Variants in SLC2A12 observed in about 807,000 individuals in gnomAD.
SLC2A12 encodes the protein solute carrier family 2, facilitated glucose transporter member 12.
SLC2A12 carries 23 observed loss-of-function variants against 41.8 expected under a neutral mutation model. That is an observed-to-expected ratio of 0.55 (90% CI 0.40 to 0.78). The LOEUF is 0.78. Among genes scored for constraint, SLC2A12 ranks in the 30% least tolerant of loss-of-function variants. SLC2A12 has a pLI of 0.00. For synonymous variants in SLC2A12, 295 were observed against 285.9 expected (o/e 1.03, Z -0.32); for missense variants, 654 against 745.6 (o/e 0.88, Z 1.43).
intron 2 of SLC2A12, among the ~76,000 whole-genome samples, chr6:134,027,969 T>C (rs1772492224): frequency 6.6e-6 from 1 of 152,222 alleles, no homozygotes; most frequent in Non-Finnish European, 1.5e-5. Flanking sequence ...ATGCATCCAC[T>C]ATTGTGTCTT....
intron 4 of SLC2A12, among the ~76,000 whole-genome samples, chr6:133,992,972 A>G (rs1253673802): frequency 6.6e-6 from 1 of 152,190 alleles, no homozygotes; most frequent in Non-Finnish European, 1.5e-5. Context: ...CTCCAACCAC[A>G]TCAGTCAGCT....
At chr6:134,028,276 C>T in intron 2 of SLC2A12, 105 bp downstream of exon 2, 1 of 1,406,844 alleles carries the variant, frequency 7.1e-7, no homozygotes, top group South Asian at 1.5e-5. Context: ...ATCAGATGAC[C>T]AATGTTATCC....
chr6:134,036,188 G>A (rs959543670), intron 1 of SLC2A12, among the ~76,000 whole-genome samples: 1 of 152,022 alleles, frequency 6.6e-6, no homozygotes, highest in African/African-American at 2.4e-5. Flanking sequence ...TTTTTTGGCA[G>A]GCAGCCAGGT....
intron 4 of SLC2A12, among the ~76,000 whole-genome samples, chr6:134,001,782 T>C (rs1219356316): frequency 6.6e-6 from 1 of 151,394 alleles, no homozygotes. Context: ...GCTTCATTCA[T>C]TGGGAAGAAA....
intron 2 of SLC2A12, among the ~76,000 whole-genome samples, chr6:134,013,466 G>A (rs2114444652): frequency 6.6e-6 from 1 of 152,058 alleles, no homozygotes; most frequent in East Asian, 1.9e-4. Context: ...TTGTTAAACA[G>A]GAAAAATGAA....
At chr6:134,001,049 C>G (rs1405087519) in intron 4 of SLC2A12, among the ~76,000 whole-genome samples, 1 of 151,916 alleles carries the variant, frequency 6.6e-6, no homozygotes, top group East Asian at 1.9e-4. Context: ...CACCCCAAAC[C>G]CCAAACAAAG....
intron 4 of SLC2A12, among the ~76,000 whole-genome samples, chr6:134,000,677 C>G (rs1332053611): frequency 6.6e-6 from 1 of 152,094 alleles, no homozygotes; most frequent in Non-Finnish European, 1.5e-5. Context: ...ACCTCTTCCC[C>G]CAGGACATGG....
rs752316562 is a variant in SLC2A12, at chr6:134,010,655, A to T, written c.1445-3721T>A. On this transcript the variant is annotated intron_variant, in intron 2 of 4. Coordinates refer to ENST00000275230, the MANE Select transcript of SLC2A12 (RefSeq NM_145176.3). Reference sequence around the variant, plus strand: ...GTGTGGTGATTGTTTACAGAGATGAAACTCATATTTCACATGGTATTAAAT... The same window carrying T: ...GTGTGGTGATTGTTTACAGAGATGATACTCATATTTCACATGGTATTAAAT... Among the ~76,000 whole-genome samples the T allele has an allele frequency of 6.0e-4, 91 of 152,206 alleles. 2 individuals are homozygous for T. The highest frequency in any genetic ancestry group is 3.5e-4 in the Non-Finnish European group (24 of 68,014).
At chr6:134,032,572 C>T (rs542423041) in intron 1 of SLC2A12, among the ~76,000 whole-genome samples, 22 of 144,840 alleles carry the variant, frequency 1.5e-4, no homozygotes, top group African/African-American at 5.7e-4. Context: ...GTCTCAGTTG[C>T]CTGAATTTTA....
chr6:134,033,314 G>A (rs969283807), intron 1 of SLC2A12, among the ~76,000 whole-genome samples: 1 of 152,102 alleles, frequency 6.6e-6, no homozygotes, highest in African/African-American at 2.4e-5. Context: ...TGACTTTAAA[G>A]TACTCTCTTA....
In SLC2A12 at chr6:134,040,065, T is replaced by TTG. The variant is rs199636115; in HGVS notation, c.104-10345_104-10344insCA. 6.8e-3 allele frequency among the ~76,000 whole-genome samples: 1,025 copies of TTG among 151,140 alleles called. 14 individuals are homozygous for TTG. Among genetic ancestry groups the TTG allele is most frequent in the African/African-American group, 0.023 (956 of 41,112 alleles). On this transcript the variant is annotated intron_variant, in intron 1 of 4. Transcript: ENST00000275230. ...CTCAGGTTGTTGTTTTTTGTTTTTT[T>TTG]TTTTTTGTTTTTTGTTTTTTGTTTT...
chr6:134,037,656 G>A (rs1235897270), intron 1 of SLC2A12, among the ~76,000 whole-genome samples: 6 of 152,012 alleles, frequency 3.9e-5, no homozygotes, highest in African/African-American at 1.2e-4. Context: ...GGCCAGGTTA[G>A]CTTTACTCTC....
intron 2 of SLC2A12, among the ~76,000 whole-genome samples, chr6:134,015,967 G>A (rs1776955753): frequency 1.3e-5 from 2 of 152,178 alleles, no homozygotes; most frequent in Non-Finnish European, 1.5e-5. Flanking sequence ...AGAGCAAAAA[G>A]CTAGGCTCTA....
rs1338418619 is a variant in SLC2A12, at chr6:133,988,027, C to T, written c.*3128G>A. 6.6e-6 allele frequency: 1 copy of T among 152,026 alleles called. No homozygotes were observed. Among genetic ancestry groups the T allele is most frequent in the East Asian group, 1.9e-4 (1 of 5,184 alleles). The allele number at this position is 152,026 out of a possible 1,614,324, so 9.4% of individuals were successfully genotyped here. ...TTGACTTTAATCTTGGGTTGATGCCCAAGCCTATACTAAGAGTCTTGTCAG... is the reference window on the plus strand; with the variant it reads ...TTGACTTTAATCTTGGGTTGATGCCTAAGCCTATACTAAGAGTCTTGTCAG... On this transcript the variant is annotated 3_prime_UTR_variant, in exon 5 of 5. Coordinates refer to ENST00000275230, the MANE Select transcript of SLC2A12 (RefSeq NM_145176.3).
intron 4 of SLC2A12, among the ~76,000 whole-genome samples, chr6:134,001,778 T>C (rs1776756547): frequency 6.6e-6 from 1 of 151,218 alleles, no homozygotes; most frequent in African/African-American, 2.4e-5. Flanking sequence ...AAAAGCTTCA[T>C]TCATTGGGAA....
At chr6:134,032,462 ATATTTT>A (rs1272608961) in intron 1 of SLC2A12, among the ~76,000 whole-genome samples, 18 of 47,926 alleles carry the variant, frequency 3.8e-4, no homozygotes, top group African/African-American at 1.5e-3. Flanking sequence ...ATATATATAT[ATATTTT>A]TATATATATA....
Position 134,028,922 on chromosome 6 carries a change from T to C in SLC2A12, c.903A>G (p.Ala301=), listed in dbSNP as rs766679441. 1.9e-6 allele frequency: 3 copies of C among 1,614,242 alleles called. No individual in the cohort carries two copies. The highest frequency in any genetic ancestry group is 2.2e-5 in the East Asian group (1 of 44,882). The change falls in exon 2 of 5, where the codon GCA becomes GCG. Residue 301 remains alanine, a synonymous_variant. Coordinates refer to ENST00000275230, the MANE Select transcript of SLC2A12 (RefSeq NM_145176.3). ...ATCCAACTGACTTCAAAACAGTTGA[T>C]GCATAGAACAATATGTTTGGTTGGC... The part of the protein sequence containing the change: ...ITGQPNILFY[A]STVLKSVGFQ...
rs1476814532 is a variant in SLC2A12, at chr6:134,028,938, T to C, written c.887A>G (p.Asn296Ser). The change falls in exon 2 of 5, where the codon AAC becomes AGC. Residue 296 changes from asparagine (N) to serine (S), a missense_variant. Coordinates refer to ENST00000275230, the MANE Select transcript of SLC2A12 (RefSeq NM_145176.3). ...AACAGTTGATGCATAGAACAATATG[T>C]TTGGTTGGCCAGTGATTTGTACAAA... The part of the protein sequence containing the change: ...VFFVQITGQP[N>S]ILFYASTVLK... 1 of 1,614,236 alleles carries C rather than the reference T, an allele frequency of 6.2e-7. No individual in the cohort carries two copies. The highest frequency in any genetic ancestry group is 1.7e-5 in the Admixed American group (1 of 60,018).
intron 1 of SLC2A12, among the ~76,000 whole-genome samples, chr6:134,044,663 G>A (rs12200924): frequency 0.22 from 32,719 of 145,556 alleles, 3,688 homozygotes; most frequent in Non-Finnish European, 0.25. Context: ...GCAGTGAGCC[G>A]AGATAGCGCC....
Sources: allele counts gnomAD v4.1 joint callset (sites outside exome capture counted in the v4.1 genomes callset), GRCh38; gene constraint gnomAD v4.1.1; transcripts MANE v1.5; gene names NCBI Gene and HGNC (gene_info 2026-07-23, HGNC 2026-07-21).